Variants in PLEC observed in about 807,000 individuals in gnomAD.
PLEC encodes the protein hemidesmosomal protein 1.
Under a neutral mutation model 392.8 loss-of-function variants are expected in PLEC, and 216 were observed. The ratio of observed to expected loss-of-function variants is 0.55; its 90% CI spans 0.49 to 0.62. PLEC has a LOEUF of 0.62. PLEC is among the 20% of genes least tolerant of loss of function. PLEC has a pLI of 0.00. For synonymous variants in PLEC, 3,621 were observed against 2,980.6 expected (o/e 1.21, Z -7.00); for missense variants, 6,863 against 6,563.4 (o/e 1.05, Z -1.58).
chr8:143,975,924 G>A (rs1833645757), upstream of PLEC, among the ~76,000 whole-genome samples: 1 of 151,822 alleles, frequency 6.6e-6, no homozygotes. This position sits in a 1 kb window ranked among gnomAD's most constrained non-coding sequence, Gnocchi z 9.9. Context: ...GGCCATCAAG[G>A]AAAGCTGACC....
upstream of PLEC, among the ~76,000 whole-genome samples, chr8:143,957,268 G>A (rs1057098124): frequency 6.6e-6 from 1 of 152,168 alleles, no homozygotes; most frequent in South Asian, 2.1e-4. Flanking sequence ...AGATCTCATC[G>A]CTCTGGCCCC....
intron 20 of PLEC, 36 bp from the exon 21 acceptor site, chr8:143,930,334 C>A (rs782273129): frequency 1.1e-5 from 18 of 1,589,550 alleles, no homozygotes; most frequent in Non-Finnish European, 1.5e-5. Context: ...CATGGCCACA[C>A]CCTGCCCTGC....
chr8:143,940,145 T>C (rs1230328256), upstream of PLEC, among the ~76,000 whole-genome samples: 3 of 152,152 alleles, frequency 2.0e-5, no homozygotes, highest in Non-Finnish European at 4.4e-5. Context: ...CCCTGCCCCA[T>C]GGTGCCTGCC....
chr8:143,922,006 G>A lies in PLEC; in HGVS notation c.7815C>T (p.His2605=). 3 of 1,598,124 alleles carry A rather than the reference G, an allele frequency of 1.9e-6. No individual in the cohort carries two copies. Among genetic ancestry groups the A allele is most frequent in the African/African-American group, 1.3e-5 (1 of 75,030 alleles). ...CCTCTGAGTGCGCCAGCGCGGCCCG[G>A]TGCTGCTCCTCCAGGAGCTGCAGCT... The part of the protein sequence containing the change: ...REQLQLLEEQ[H]RAALAHSEEV... Residue 2605 remains histidine, a synonymous_variant, in exon 32 of 32, where the codon CAC becomes CAT. Coordinates refer to ENST00000345136, the MANE Select transcript of PLEC (RefSeq NM_201384.3).
chr8:143,933,662 G>A (rs1425772590), intron 12 of PLEC, among the ~76,000 whole-genome samples: 1 of 152,138 alleles, frequency 6.6e-6, no homozygotes, highest in Non-Finnish European at 1.5e-5. Flanking sequence ...CGTGGGCCCT[G>A]TCCTCCTGGG....
At chr8:143,945,707 T>A (rs1831364087) in intron 1 of PLEC, among the ~76,000 whole-genome samples, 1 of 152,018 alleles carries the variant, frequency 6.6e-6, no homozygotes, top group Non-Finnish European at 1.5e-5. Flanking sequence ...CCAGTGTAGT[T>A]ACCTCAGCCC....
chr8:143,922,371 G>C lies in PLEC; in HGVS notation c.7450C>G (p.Leu2484Val). 6.2e-7 allele frequency: 1 copy of C among 1,602,854 alleles called. No individual in the cohort carries two copies. The highest frequency in any genetic ancestry group is 8.5e-7 in the Non-Finnish European group (1 of 1,179,954). The change falls in exon 32 of 32, where the codon CTG becomes GTG. Residue 2484 changes from leucine to valine, a missense_variant. By Grantham distance (32) the Leu-to-Val change is conservative (BLOSUM62 1). Coordinates refer to ENST00000345136, the MANE Select transcript of PLEC (RefSeq NM_201384.3). ...TGCAGGGCCTGCGTCTCCTGCAGCA[G>C]CTGCTCCTGCTGCACCGTCTGCATC... is the stretch of plus-strand genomic sequence containing the variant. ...EEMQTVQQEQ[L>V]LQETQALQQS...
At position 143,920,859 on chromosome 8, in the gene PLEC, C is replaced by T; in HGVS notation, c.8962G>A (p.Glu2988Lys). The change falls in exon 32 of 32, where the codon GAG becomes AAG. Residue 2988 changes from glutamate to lysine, a missense_variant. Transcript: ENST00000345136. ...RSLVPAAELLESRVIDRELYQ... is the reference protein window; with the variant it reads ...RSLVPAAELLKSRVIDRELYQ... Reference sequence around the variant, plus strand: ...AGCTCGCGGTCGATGACCCTGCTCTCCAGCAGCTCGGCGGCTGGCACCAGG... The same window carrying T: ...AGCTCGCGGTCGATGACCCTGCTCTTCAGCAGCTCGGCGGCTGGCACCAGG... 1 of 1,610,128 alleles carries T rather than the reference C, an allele frequency of 6.2e-7. No homozygotes were observed. Among genetic ancestry groups the T allele is most frequent in the South Asian group, 1.1e-5 (1 of 91,058 alleles).
upstream of PLEC, among the ~76,000 whole-genome samples, chr8:143,956,357 T>C (rs55654098): frequency 0.078 from 11,815 of 152,238 alleles, 1,540 homozygotes; most frequent in African/African-American, 0.27. Context: ...CACTTGATCC[T>C]GGGAATTCAG....
rs745403009 is a variant in PLEC at position 143,932,872 on chromosome 8, G to A, written c.1658C>T (p.Ala553Val). The A allele has an allele frequency of 6.0e-5, 96 of 1,611,034 alleles. No homozygotes were observed. The highest frequency in any genetic ancestry group is 3.1e-4 in the East Asian group (14 of 44,758). Residue 553 changes from alanine (A) to valine (V), a missense_variant, in exon 14 of 32, where the codon GCG becomes GTG. Transcript: ENST00000345136. Reference protein sequence around the residue: ...EWGVDLPSVEAQLGSHRGLHQ... With the variant: ...EWGVDLPSVEVQLGSHRGLHQ... ...CAGGCCTCGGTGGCTGCCCAGCTGC[G>A]CCTCCACGCTGGGCAGGTCCACACC... is the stretch of plus-strand genomic sequence containing the variant.
In PLEC at chr8:143,938,736, C is replaced by T. The variant is rs782805200; in HGVS notation, c.113-44G>A. 1.0e-5 allele frequency: 16 copies of T among 1,577,722 alleles called. No individual in the cohort carries two copies. The African/African-American group carries it at 1.8e-4, about 17-fold the overall frequency. On this transcript the variant is annotated intron_variant, in intron 1 of 31. Transcript: ENST00000345136. ...GCTTACCTGGGGCCTGGGAGAAGCCCCGGGGGCCCTCAGGTGACCACCGTG... is the reference window on the plus strand; with the variant it reads ...GCTTACCTGGGGCCTGGGAGAAGCCTCGGGGGCCCTCAGGTGACCACCGTG...
intron 1 of PLEC, among the ~76,000 whole-genome samples, chr8:143,972,688 G>A (rs569589276): frequency 3.3e-5 from 5 of 152,192 alleles, no homozygotes; most frequent in Non-Finnish European, 7.3e-5. Flanking sequence ...GTCCACAACC[G>A]CCTGGAGCCG....
Position 143,916,031 on chromosome 8 carries a change from T to A in PLEC, c.*146A>T, listed in dbSNP as rs1315773900. The A allele has an allele frequency of 5.2e-6, 3 of 579,274 alleles. No individual in the cohort carries two copies. In the East Asian group the frequency reaches 9.3e-5, roughly 18 times the overall value. The allele number at this position is 579,274 out of a possible 1,614,324, so 35.9% of individuals were successfully genotyped here. A position where few individuals can be genotyped will look rare whatever the true frequency, so the allele number is the denominator to read the frequency against. On this transcript the variant is annotated 3_prime_UTR_variant, in exon 32 of 32. Coordinates refer to ENST00000345136, the MANE Select transcript of PLEC (RefSeq NM_201384.3). ...AGATACAGGCTGTCTGGACAGCAGA[T>A]ATATATTAATATATTAGTCTGGTCT...
rs201574539 is a variant in PLEC, at chr8:143,923,731, C to A, written c.6198G>T (p.Gln2066His). 2.6e-4 allele frequency: 404 copies of A among 1,545,746 alleles called. 2 individuals are homozygous for A. In the African/African-American group the frequency reaches 4.9e-3, roughly 19 times the overall value. The change falls in exon 31 of 32, where the codon CAG becomes CAT. Residue 2066 changes from glutamine (Q) to histidine (H), a missense_variant. Gln to His is a conservative substitution (Grantham distance 24). Coordinates refer to ENST00000345136, the MANE Select transcript of PLEC (RefSeq NM_201384.3). Reference protein sequence around the residue: ...FAVQQKEQELQQTLQQEQSVL... With the variant: ...FAVQQKEQELHQTLQQEQSVL... ...CGCTCTGCTCCTGCTGCAGCGTCTGCTGTAGCTCCTGCTCCTTCTGCTGCA... is the reference window on the plus strand; with the variant it reads ...CGCTCTGCTCCTGCTGCAGCGTCTGATGTAGCTCCTGCTCCTTCTGCTGCA...
chr8:143,932,610 C>T (rs547699314), intron 15 of PLEC, 25 bp downstream of exon 15: 1 of 1,611,840 alleles, frequency 6.2e-7, no homozygotes, highest in East Asian at 2.2e-5. Flanking sequence ...ACCCACCTCC[C>T]CCGGCTGGCC....
chr8:143,917,458 C>T lies in PLEC; in HGVS notation c.12363G>A (p.Leu4121=), dbSNP rs1204459840. 1 of 1,613,768 alleles carries T rather than the reference C, an allele frequency of 6.2e-7. No individual in the cohort carries two copies. Among genetic ancestry groups the T allele is most frequent in the Non-Finnish European group, 8.5e-7 (1 of 1,180,028 alleles). ...TCTTCCGCTCCCGCTTCTTCTCCTT[C>T]AGCGGCAAGAGACACAGGCCCGTCT... ...DPQTGLCLLP[L]KEKKRERKTS... The change falls in exon 32 of 32, where the codon CTG becomes CTA. Residue 4121 remains leucine (L), a synonymous_variant. Coordinates refer to ENST00000345136, the MANE Select transcript of PLEC (RefSeq NM_201384.3).
intron 1 of PLEC, among the ~76,000 whole-genome samples, chr8:143,961,234 T>G (rs1832857710): frequency 6.6e-6 from 1 of 152,010 alleles, no homozygotes; most frequent in Admixed American, 6.6e-5. Flanking sequence ...AAATTCCTTT[T>G]TTTTTTTTTG....
chr8:143,922,761 C>A lies in PLEC; in HGVS notation c.7168G>T (p.Ala2390Ser). ...CGGGCCTGGGCTCGGCTCATCTCGG[C>A]CACACGCAGCTTGAGGCGCTCAGCC... ...AEAERLKLRV[A>S]EMSRAQARAE... Residue 2390 changes from alanine (A) to serine (S), a missense_variant, in exon 31 of 32, where the codon GCC becomes TCC. Physicochemically the swap from Ala to Ser is moderately conservative, Grantham distance 99 (BLOSUM62 1). Transcript: ENST00000345136. 6.2e-7 allele frequency: 1 copy of A among 1,608,108 alleles called. No homozygotes were observed. The highest frequency in any genetic ancestry group is 1.1e-5 in the South Asian group (1 of 90,518).
At position 143,923,860 on chromosome 8, in the gene PLEC, G is replaced by T; in HGVS notation, c.6069C>A (p.Arg2023=). 6.3e-7 allele frequency: 1 copy of T among 1,590,644 alleles called. No individual in the cohort carries two copies. The highest frequency in any genetic ancestry group is 8.5e-7 in the Non-Finnish European group (1 of 1,176,372). Residue 2023 remains arginine, a synonymous_variant, in exon 31 of 32, where the codon CGC becomes CGA. Transcript: ENST00000345136. ...RLKAKVEEAR[R]LRERAEQESA... ...ACTCCTGCTCCGCTCGCTCCCGCAG[G>T]CGCCGCGCCTCCTCCACCTTGGCTT...
Sources: allele counts gnomAD v4.1 joint callset (sites outside exome capture counted in the v4.1 genomes callset), GRCh38; gene constraint gnomAD v4.1.1; non-coding constraint Gnocchi (gnomAD v3.1); transcripts MANE v1.5; gene names NCBI Gene and HGNC (gene_info 2026-07-23, HGNC 2026-07-21).